LDLRAD3: variants seen among roughly 807,000 people sequenced by gnomAD.
LDLRAD3 encodes the protein low-density lipoprotein receptor class A domain-containing protein 3.
LDLRAD3 carries 20 observed loss-of-function variants against 29.4 expected under a neutral mutation model. The ratio of observed to expected loss-of-function variants is 0.68; its 90% confidence interval spans 0.48 to 0.99. The LOEUF (loss-of-function observed/expected upper bound fraction) is 0.99. Among genes scored for constraint, LDLRAD3 ranks in the 50% least tolerant of loss-of-function variants. LDLRAD3 has a pLI of 0.00. For synonymous variants in LDLRAD3, 157 were observed against 192.7 expected, an observed-to-expected ratio of 0.81 and a Z score of 1.53; for missense variants, 420 against 454.3, an observed-to-expected ratio of 0.92 and a Z score of 0.69.
rs563863728 is a variant in LDLRAD3 at position 35,993,501 on chromosome 11, T to C, written c.47-42602T>C. On this transcript the variant is annotated intron_variant, in intron 1 of 5. Coordinates refer to ENST00000315571, the MANE Select transcript of LDLRAD3 (RefSeq NM_174902.4). ...CTGCCACTTAGGGCTTGCTGGCTTCTAGCCCTTCTGCTGAAAGTCAAATTT... is the reference window on the plus strand; with the variant it reads ...CTGCCACTTAGGGCTTGCTGGCTTCCAGCCCTTCTGCTGAAAGTCAAATTT... Among the ~76,000 whole-genome samples the C allele has an allele frequency of 2.0e-5, 3 of 152,296 alleles. No individual in the cohort carries two copies. The South Asian group carries it at 6.2e-4, about 32-fold the overall frequency.
Position 36,111,620 on chromosome 11 carries a change from A to G in LDLRAD3, c.454+13159A>G, listed in dbSNP as rs188892380. Among the ~76,000 whole-genome samples, 303 of 143,898 alleles carry G rather than the reference A, an allele frequency of 2.1e-3. 1 individual carries two copies. The highest frequency in any genetic ancestry group is 7.2e-3 in the African/African-American group (276 of 38,548). 94.4% of individuals were successfully genotyped at this position (143,898 alleles called of 152,430 possible). On this transcript the variant is annotated intron_variant, in intron 4 of 5. Coordinates refer to ENST00000315571, the MANE Select transcript of LDLRAD3 (RefSeq NM_174902.4). ...TTTTTTTTTTTTTTTTCTTTCTCTG[A>G]GATGGAGTCTCACTCTGTTGCCCAG...
At chr11:36,081,171 C>G (rs542060438) in intron 2 of LDLRAD3, among the ~76,000 whole-genome samples, 110 of 152,168 alleles carry the variant, frequency 7.2e-4, no homozygotes, top group Non-Finnish European at 1.5e-3. Flanking sequence ...GTTTTGTTAC[C>G]TCTTTTCTGC....
chr11:36,113,740 C>G (rs1269355488), intron 4 of LDLRAD3, among the ~76,000 whole-genome samples: 1 of 144,828 alleles, frequency 6.9e-6, no homozygotes, highest in Non-Finnish European at 1.5e-5. Flanking sequence ...GCAGCATGAT[C>G]TCAGCCCATT....
chr11:36,214,130 A>G (rs1855321176), intron 4 of LDLRAD3, among the ~76,000 whole-genome samples: 1 of 152,210 alleles, frequency 6.6e-6, no homozygotes, highest in Non-Finnish European at 1.5e-5. Flanking sequence ...GGATTTAGGC[A>G]CTAGTCAGGC....
intron 2 of LDLRAD3, among the ~76,000 whole-genome samples, chr11:36,037,882 A>G (rs1852324849): frequency 6.6e-6 from 1 of 152,128 alleles, no homozygotes; most frequent in Non-Finnish European, 1.5e-5. Context: ...ATTGATCACT[A>G]TACACACTGA....
At chr11:35,947,799 C>T (rs1164263611) in intron 1 of LDLRAD3, among the ~76,000 whole-genome samples, 1 of 152,184 alleles carries the variant, frequency 6.6e-6, no homozygotes, top group Non-Finnish European at 1.5e-5. Context: ...TTCCAGGCTT[C>T]CTGCACCATG....
chr11:36,129,506 A>G (rs1368372557), intron 4 of LDLRAD3, among the ~76,000 whole-genome samples: 2 of 152,200 alleles, frequency 1.3e-5, no homozygotes, highest in African/African-American at 2.4e-5. Flanking sequence ...GCCAGTATCA[A>G]ATCCGACCTT....
chr11:36,132,742 G>A (rs1354839669), intron 4 of LDLRAD3, among the ~76,000 whole-genome samples: 2 of 152,208 alleles, frequency 1.3e-5, no homozygotes, highest in African/African-American at 4.8e-5. Flanking sequence ...CATAGTGCTT[G>A]TCAAGTGAAT....
chr11:36,123,894 A>T (rs1590286565), intron 4 of LDLRAD3, among the ~76,000 whole-genome samples: 1 of 152,230 alleles, frequency 6.6e-6, no homozygotes, highest in Admixed American at 6.5e-5. Context: ...CCGCCTCATT[A>T]TTTACATAGA....
chr11:35,987,147 A>G (rs539160422), intron 1 of LDLRAD3, among the ~76,000 whole-genome samples: 51 of 152,374 alleles, frequency 3.3e-4, no homozygotes, highest in South Asian at 1.2e-3. Flanking sequence ...AGGTGGGTCA[A>G]GTACCAGCTA....
At chr11:36,006,608 A>G (rs1046354483) in intron 1 of LDLRAD3, among the ~76,000 whole-genome samples, 1 of 152,146 alleles carries the variant, frequency 6.6e-6, no homozygotes, top group African/African-American at 2.4e-5. Flanking sequence ...CCTGGGTTCC[A>G]TGACTGTCTG....
At position 35,944,182 on chromosome 11, in the gene LDLRAD3, G is replaced by C; in HGVS notation, c.46+38G>C. Reference sequence around the variant, plus strand: ...GCGGCCGGCGAACTTCCCGCGGGGCGCGGGGCGCGGGGCGCGGGGCGCAGC... The same window carrying C: ...GCGGCCGGCGAACTTCCCGCGGGGCCCGGGGCGCGGGGCGCGGGGCGCAGC... On this transcript the variant is annotated intron_variant, in intron 1 of 5. Coordinates refer to ENST00000315571, the MANE Select transcript of LDLRAD3 (RefSeq NM_174902.4). The surrounding 1 kb of genome is among the most constrained non-coding windows in gnomAD (Gnocchi z 4.9). The C allele has an allele frequency of 1.1e-6, 1 of 948,840 alleles. No homozygotes were observed. Among genetic ancestry groups the C allele is most frequent in the Non-Finnish European group, 1.3e-6 (1 of 795,646 alleles). 58.8% of individuals were successfully genotyped at this position (948,840 alleles called of 1,614,324 possible). A position where few individuals can be genotyped will look rare whatever the true frequency, so the allele number is the denominator to read the frequency against.
chr11:35,970,800 A>G (rs527320195), intron 1 of LDLRAD3, among the ~76,000 whole-genome samples: 1 of 152,334 alleles, frequency 6.6e-6, no homozygotes, highest in East Asian at 1.9e-4. Flanking sequence ...CTGGGTATCT[A>G]GGACATCTTA....
intron 4 of LDLRAD3, among the ~76,000 whole-genome samples, chr11:36,116,788 ATC>A (rs2133291791): frequency 6.6e-6 from 1 of 152,120 alleles, no homozygotes; most frequent in South Asian, 2.1e-4. Context: ...TTGATTATTT[ATC>A]AGGACAAAGA....
At chr11:36,103,347 C>T (rs1853478728) in intron 4 of LDLRAD3, among the ~76,000 whole-genome samples, 1 of 151,146 alleles carries the variant, frequency 6.6e-6, no homozygotes, top group Non-Finnish European at 1.5e-5. Flanking sequence ...ACACCATTCT[C>T]CTGCCTCAGC....
chr11:36,215,448 G>T (rs1221054869), intron 4 of LDLRAD3, among the ~76,000 whole-genome samples: 1 of 152,168 alleles, frequency 6.6e-6, no homozygotes, highest in Non-Finnish European at 1.5e-5. Context: ...GACAGTGGCT[G>T]GGAACAGGGA....
intron 2 of LDLRAD3, among the ~76,000 whole-genome samples, chr11:36,069,883 T>C (rs1193829784): frequency 3.3e-5 from 5 of 152,266 alleles, no homozygotes; most frequent in Non-Finnish European, 1.5e-5. Context: ...TTAATATTAG[T>C]GGAATGAAAA....
At chr11:36,149,620 A>G (rs1189557450) in intron 4 of LDLRAD3, among the ~76,000 whole-genome samples, 2 of 152,136 alleles carry the variant, frequency 1.3e-5, no homozygotes, top group Non-Finnish European at 2.9e-5. Flanking sequence ...CAGAGCTGTG[A>G]GTCTGCTTCT....
intron 2 of LDLRAD3, among the ~76,000 whole-genome samples, chr11:36,077,340 G>A (rs1163120134): frequency 6.6e-6 from 1 of 152,188 alleles, no homozygotes; most frequent in African/African-American, 2.4e-5. Context: ...TACTGTTACG[G>A]GATCTTTGGG....
Sources: allele counts gnomAD v4.1 joint callset (sites outside exome capture counted in the v4.1 genomes callset), GRCh38; gene constraint gnomAD v4.1.1; non-coding constraint Gnocchi (gnomAD v3.1); transcripts MANE v1.5; gene names NCBI Gene and HGNC (gene_info 2026-07-23, HGNC 2026-07-21).